Variants in ZDHHC13 observed in about 807,000 individuals in gnomAD.
The protein encoded by ZDHHC13 is palmitoyltransferase ZDHHC13.
A neutral mutation model predicts 86.0 loss-of-function variants in ZDHHC13; 85 were observed. That is an observed-to-expected ratio of 0.99 (90% CI 0.83 to 1.18). The LOEUF (loss-of-function observed/expected upper bound fraction) is 1.18. Ranked by LOEUF, ZDHHC13 falls within the 50% of genes most tolerant of loss-of-function variation. The pLI is 0.00. For missense variants in ZDHHC13, 711 were observed against 730.2 expected (o/e 0.97, Z 0.30); for synonymous variants, 263 against 246.4 (o/e 1.07, Z -0.63).
intron 16 of ZDHHC13, among the ~76,000 whole-genome samples, chr11:19,174,539 C>A (rs918336868): frequency 6.6e-6 from 1 of 152,252 alleles, no homozygotes; most frequent in Non-Finnish European, 1.5e-5. Context: ...GCAACGCAGT[C>A]ATCCTCATGG....
chr11:19,134,029 A>G (rs1565022209), intron 1 of ZDHHC13, among the ~76,000 whole-genome samples: 1 of 151,162 alleles, frequency 6.6e-6, no homozygotes, highest in African/African-American at 2.4e-5. Flanking sequence ...AGTCTCTTTT[A>G]TATGGCTCTG....
intron 3 of ZDHHC13, 102 bp downstream of exon 3, chr11:19,146,405 G>T (rs76447768): frequency 7.5e-7 from 1 of 1,333,026 alleles, no homozygotes; most frequent in Non-Finnish European, 9.8e-7. Flanking sequence ...TGTAATCCTC[G>T]TGTAAAAGAA....
rs141829818 is a variant in ZDHHC13, at chr11:19,125,989, T to C, written c.27+8713T>C. On this transcript the variant is annotated intron_variant, in intron 1 of 16. Coordinates refer to ENST00000446113, the MANE Select transcript of ZDHHC13 (RefSeq NM_019028.3). The stretch of plus-strand genomic sequence containing the variant: ...GGTTACGTGACTCCATACATACATG[T>C]GTTAAAATTCATACAGCTGTATACC... Among the ~76,000 whole-genome samples the C allele has an allele frequency of 1.9e-3, 287 of 152,296 alleles. 2 individuals carry two copies. The highest frequency in any genetic ancestry group is 6.6e-3 in the African/African-American group (274 of 41,552).
intron 2 of ZDHHC13, among the ~76,000 whole-genome samples, chr11:19,143,520 A>G (rs2133404349): frequency 6.6e-6 from 1 of 152,366 alleles, no homozygotes; most frequent in South Asian, 2.1e-4. Context: ...GAATAGGTAG[A>G]TGGAATGAAA....
chr11:19,155,361 G>A (rs796973325), intron 8 of ZDHHC13, among the ~76,000 whole-genome samples: 10 of 152,014 alleles, frequency 6.6e-5, no homozygotes, highest in African/African-American at 1.4e-4. Flanking sequence ...CAGGTGGATC[G>A]CCTGAGGTCA....
chr11:19,146,421 G>A lies in ZDHHC13; in HGVS notation c.296+118G>A, dbSNP rs1167462349. The A allele has an allele frequency of 5.7e-6, 7 of 1,237,616 alleles. No homozygotes were observed. In the Admixed American group the frequency reaches 1.0e-4, roughly 18 times the overall value. The allele number at this position is 1,237,616 out of a possible 1,614,324, so 76.7% of individuals were successfully genotyped here. On this transcript the variant is annotated intron_variant, in intron 3 of 16. Transcript: ENST00000446113. ...GTAATCCTCGTGTAAAAGAACACCC[G>A]AAACTTTTTCTGCCACACACGTTGG...
intron 1 of ZDHHC13, among the ~76,000 whole-genome samples, chr11:19,119,357 G>T (rs754468897): frequency 6.6e-6 from 1 of 152,052 alleles, no homozygotes; most frequent in African/African-American, 2.4e-5. Context: ...CGCCCGCCTC[G>T]GCCTCCCAAA....
chr11:19,166,493 T>A (rs1850073571), intron 14 of ZDHHC13, 108 bp downstream of exon 14: 1 of 841,910 alleles, frequency 1.2e-6, no homozygotes, highest in Non-Finnish European at 1.8e-6. Context: ...TAAACCATAC[T>A]CCTAATAAAA....
chr11:19,122,913 A>G (rs147764099), intron 1 of ZDHHC13, among the ~76,000 whole-genome samples: 174 of 152,302 alleles, frequency 1.1e-3, no homozygotes, highest in African/African-American at 4.1e-3. Flanking sequence ...GAATATAGTC[A>G]TTTTTAGGTT....
intron 1 of ZDHHC13, among the ~76,000 whole-genome samples, chr11:19,135,016 A>G (rs1458533391): frequency 6.6e-6 from 1 of 152,164 alleles, no homozygotes; most frequent in African/African-American, 2.4e-5. Flanking sequence ...TGGGCAACAG[A>G]GGAAGACCCC....
At chr11:19,119,076 C>T (rs778526955) in intron 1 of ZDHHC13, among the ~76,000 whole-genome samples, 1 of 152,146 alleles carries the variant, frequency 6.6e-6, no homozygotes, top group Admixed American at 6.5e-5. Flanking sequence ...CAGGATTTGC[C>T]TATACAATCA....
Position 19,132,535 on chromosome 11 carries a change from G to A in ZDHHC13, c.28-10443G>A, listed in dbSNP as rs78459338. On this transcript the variant is annotated intron_variant, in intron 1 of 16. Coordinates refer to ENST00000446113, the MANE Select transcript of ZDHHC13 (RefSeq NM_019028.3). Reference sequence around the variant, plus strand: ...TGTCCTAGTACTCTGCAAAGACTCAGTGGGCCTCCTGTACAGATTTTTTGG... The same window carrying A: ...TGTCCTAGTACTCTGCAAAGACTCAATGGGCCTCCTGTACAGATTTTTTGG... Among the ~76,000 whole-genome samples the A allele has an allele frequency of 6.8e-3, 1,043 of 152,276 alleles. 9 individuals carry two copies. The highest frequency in any genetic ancestry group is 0.024 in the African/African-American group (984 of 41,550).
At chr11:19,133,757 A>G (rs1182218282) in intron 1 of ZDHHC13, among the ~76,000 whole-genome samples, 1 of 151,812 alleles carries the variant, frequency 6.6e-6, no homozygotes, top group East Asian at 1.9e-4. Context: ...AAGTAATTAT[A>G]ACTGAAGTCA....
intron 4 of ZDHHC13, chr11:19,148,925 G>T: frequency 3.9e-6 from 1 of 258,538 alleles, no homozygotes; most frequent in Non-Finnish European, 7.3e-6. Context: ...CTGCACTCCA[G>T]CCTGGGTCAC....
In ZDHHC13 at chr11:19,117,273, G is replaced by C. The variant is rs1181310211; in HGVS notation, c.24G>C (p.Ser8=). MEGPGLG[S]QCRNHSHGPH... Reference sequence around the variant, plus strand: ...AGATGGAGGGGCCGGGGCTGGGCTCGCAGGTGAGTGCGGCCGGGCGGTGGC... The same window carrying C: ...AGATGGAGGGGCCGGGGCTGGGCTCCCAGGTGAGTGCGGCCGGGCGGTGGC... Residue 8 remains serine (S), a synonymous_variant, in exon 1 of 17, where the codon TCG becomes TCC. Transcript: ENST00000446113. The surrounding 1 kb of genome is among the most constrained non-coding windows in gnomAD (Gnocchi z 4.2). 6.7e-7 allele frequency: 1 copy of C among 1,483,878 alleles called. No individual in the cohort carries two copies. The highest frequency in any genetic ancestry group is 1.3e-5 in the South Asian group (1 of 79,356). The allele number at this position is 1,483,878 out of a possible 1,614,324, so 91.9% of individuals were successfully genotyped here.
chr11:19,142,793 G>A (rs904318369), intron 1 of ZDHHC13, among the ~76,000 whole-genome samples, 185 bp from the exon 2 acceptor site: 1 of 151,096 alleles, frequency 6.6e-6, no homozygotes, highest in African/African-American at 2.4e-5. Flanking sequence ...GGAATGCAAT[G>A]GTGTGATCTC....
intron 3 of ZDHHC13, among the ~76,000 whole-genome samples, chr11:19,146,963 A>C (rs976294988): frequency 1.3e-5 from 2 of 152,156 alleles, no homozygotes; most frequent in Non-Finnish European, 2.9e-5. Context: ...ATAAACTGGC[A>C]TGGTATTTAG....
chr11:19,168,951 C>T (rs140950107), intron 14 of ZDHHC13: 66 of 984,990 alleles, frequency 6.7e-5, no homozygotes, highest in Admixed American at 1.8e-4. Flanking sequence ...AAGATGAAAA[C>T]GTTTGACCTG....
At position 19,133,942 on chromosome 11, in the gene ZDHHC13, T is replaced by TATATATATATATATATATATACACAC; in HGVS notation, c.28-9035_28-9034insTATATATATATATATATATACACACA. Among the ~76,000 whole-genome samples the TATATATATATATATATATATACACAC allele has an allele frequency of 1.3e-3, 129 of 96,080 alleles. 1 individual carries two copies. Among genetic ancestry groups the TATATATATATATATATATATACACAC allele is most frequent in the South Asian group, 2.6e-3 (7 of 2,658 alleles). The allele number at this position is 96,080 out of a possible 152,430, so 63.0% of individuals were successfully genotyped here. On this transcript the variant is annotated intron_variant, in intron 1 of 16. Transcript: ENST00000446113. ...GTCCATATATATATATATATATATA[T>TATATATATATATATATATATACACAC]ACACGTATGTGTTTTATATACTTCA...
Sources: allele counts gnomAD v4.1 joint callset (sites outside exome capture counted in the v4.1 genomes callset), GRCh38; gene constraint gnomAD v4.1.1; non-coding constraint Gnocchi (gnomAD v3.1); transcripts MANE v1.5; gene names NCBI Gene and HGNC (gene_info 2026-07-23, HGNC 2026-07-21).